The following FLI1 variants were observed in gnomAD, a reference collection of about 807,000 sequenced individuals.
The protein encoded by FLI1 is Fli-1 proto-oncogene, ETS transcription factor.
A neutral mutation model predicts 53.1 loss-of-function variants in FLI1; 13 were observed. The observed-to-expected ratio is 0.24, with a 90% CI of 0.16 to 0.39. The LOEUF is 0.39. FLI1 is among the 10% of genes least tolerant of loss of function. The pLI, the probability that FLI1 is intolerant of heterozygous loss-of-function variation, is 1.00. For missense variants in FLI1, 424 were observed against 600.5 expected (o/e 0.71, Z 3.07); for synonymous variants, 244 against 236.7 (o/e 1.03, Z -0.28).
At chr11:128,733,733 G>C (rs1176682171) in intron 1 of FLI1, among the ~76,000 whole-genome samples, 2 of 152,228 alleles carry the variant, frequency 1.3e-5, no homozygotes, top group African/African-American at 4.8e-5. Flanking sequence ...TCCAGCAGAA[G>C]TTTTCTCTGT....
At chr11:128,774,206 A>C (rs1267852332) in intron 4 of FLI1, among the ~76,000 whole-genome samples, 1 of 151,978 alleles carries the variant, frequency 6.6e-6, no homozygotes, top group Non-Finnish European at 1.5e-5. Context: ...AAAATCAAAA[A>C]ACTGGCTTTG....
At chr11:128,686,984 C>A (rs539816417) in intron 1 of FLI1, 1 of 159,660 alleles carries the variant, frequency 6.3e-6, no homozygotes, top group South Asian at 1.7e-4. Flanking sequence ...CAGCTCGCCG[C>A]GTCAGGTCCC....
chr11:128,780,168 G>A (rs1941863967), intron 4 of FLI1, among the ~76,000 whole-genome samples: 1 of 152,188 alleles, frequency 6.6e-6, no homozygotes, highest in Non-Finnish European at 1.5e-5. Flanking sequence ...TTATATTCAT[G>A]TGACTGTCTC....
intron 1 of FLI1, among the ~76,000 whole-genome samples, chr11:128,743,637 C>G (rs1252240711): frequency 6.6e-6 from 1 of 152,142 alleles, no homozygotes; most frequent in East Asian, 1.9e-4. Flanking sequence ...GACAGACAGG[C>G]ATGGCTCTGT....
intron 1 of FLI1, among the ~76,000 whole-genome samples, chr11:128,704,888 C>T (rs1421234435): frequency 1.3e-5 from 2 of 152,222 alleles, no homozygotes; most frequent in African/African-American, 4.8e-5. Flanking sequence ...AATAAGTTAT[C>T]TATCCAGCTC....
chr11:128,800,089 T>G (rs1012904699), intron 5 of FLI1, among the ~76,000 whole-genome samples: 52 of 152,288 alleles, frequency 3.4e-4, no homozygotes, highest in African/African-American at 1.2e-3. Flanking sequence ...GTCTCAGGTC[T>G]GCCATTGATT....
intron 1 of FLI1, among the ~76,000 whole-genome samples, chr11:128,745,506 G>T (rs1940341897): frequency 6.6e-6 from 1 of 152,148 alleles, no homozygotes; most frequent in Non-Finnish European, 1.5e-5. Context: ...GTGCTAGTTG[G>T]AAATACTGCA....
At chr11:128,748,794 A>G (rs55702674) in intron 1 of FLI1, among the ~76,000 whole-genome samples, 13,292 of 152,158 alleles carry the variant, frequency 0.087, 966 homozygotes, top group East Asian at 0.26. Context: ...ATGGAGACTC[A>G]TGAGGTGAGG....
chr11:128,765,350 T>C lies in FLI1; in HGVS notation c.231-2768T>C, dbSNP rs572856661. Among the ~76,000 whole-genome samples, 7 of 152,282 alleles carry C rather than the reference T, an allele frequency of 4.6e-5. No homozygotes were observed. The South Asian group carries it at 1.5e-3, about 32-fold the overall frequency. On this transcript the variant is annotated intron_variant, in intron 2 of 8. Coordinates refer to ENST00000527786, the MANE Select transcript of FLI1 (RefSeq NM_002017.5). ...CGTACATGGCCATAACCATAAAGGC[T>C]CACTCCATTTCAGTGAGTCCTGAGG...
chr11:128,739,289 A>G (rs1766954059), intron 1 of FLI1, among the ~76,000 whole-genome samples: 1 of 152,166 alleles, frequency 6.6e-6, no homozygotes. Flanking sequence ...TACTGAAGGT[A>G]TGGGGATGAG....
chr11:128,809,925 G>C (rs1942895005), intron 8 of FLI1, among the ~76,000 whole-genome samples: 1 of 152,170 alleles, frequency 6.6e-6, no homozygotes, highest in African/African-American at 2.4e-5. Flanking sequence ...AGAGCTGCAA[G>C]CCAAGCTCTG....
At chr11:128,705,469 C>T (rs543302895) in intron 1 of FLI1, among the ~76,000 whole-genome samples, 2 of 152,296 alleles carry the variant, frequency 1.3e-5, no homozygotes, top group South Asian at 2.1e-4. Context: ...CTTTCCTCCT[C>T]GAAATCTTGC....
intron 1 of FLI1, among the ~76,000 whole-genome samples, chr11:128,712,447 T>C (rs1014145135): frequency 3.9e-5 from 6 of 152,294 alleles, no homozygotes; most frequent in African/African-American, 1.4e-4. Context: ...GCTAGTGCTG[T>C]TCTATGGTAC....
intron 5 of FLI1, chr11:128,804,516 C>G (rs1438662696): frequency 6.6e-6 from 1 of 152,208 alleles, no homozygotes; most frequent in African/African-American, 2.4e-5. Flanking sequence ...GTTACGATCA[C>G]AAAAGTTCGA....
At chr11:128,720,822 G>T (rs1437685756) in intron 1 of FLI1, among the ~76,000 whole-genome samples, 1 of 152,192 alleles carries the variant, frequency 6.6e-6, no homozygotes, top group Non-Finnish European at 1.5e-5. Flanking sequence ...CAGCAACAGG[G>T]TCAGCCGGGC....
intron 2 of FLI1, among the ~76,000 whole-genome samples, chr11:128,766,219 T>C (rs1941333721): frequency 2.0e-5 from 3 of 152,160 alleles, no homozygotes; most frequent in Admixed American, 2.0e-4. Flanking sequence ...CTGCTTCATC[T>C]CAGGCCAGGT....
At position 128,755,926 on chromosome 11, in the gene FLI1, C is replaced by A. The variant is rs12293358; in HGVS notation, c.19-2189C>A. Among the ~76,000 whole-genome samples, 211 of 152,258 alleles carry A rather than the reference C, an allele frequency of 1.4e-3. 1 individual carries two copies. The highest frequency in any genetic ancestry group is 5.0e-3 in the African/African-American group (206 of 41,540). ...CCAGCTGAAAACAGCCATAGAAGAG[C>A]CTCCCTTTTTGAATTATGGCTGTCT... is the stretch of plus-strand genomic sequence containing the variant. On this transcript the variant is annotated intron_variant, in intron 1 of 8. Coordinates refer to ENST00000527786, the MANE Select transcript of FLI1 (RefSeq NM_002017.5).
chr11:128,782,948 G>T (rs903969644), intron 5 of FLI1, among the ~76,000 whole-genome samples: 1 of 152,186 alleles, frequency 6.6e-6, no homozygotes, highest in Non-Finnish European at 1.5e-5. Flanking sequence ...AGGAGGAAAA[G>T]ATGTGAACAA....
chr11:128,723,416 C>A (rs974770179), intron 1 of FLI1, among the ~76,000 whole-genome samples: 1 of 152,074 alleles, frequency 6.6e-6, no homozygotes, highest in Non-Finnish European at 1.5e-5. Flanking sequence ...AATGTCTTTG[C>A]AAACATCAGA....
Sources: gnomAD v4.1 joint callset for allele counts (sites outside exome capture counted in the v4.1 genomes callset) on GRCh38, gnomAD v4.1.1 for gene constraint, MANE v1.5 for transcripts, NCBI Gene and HGNC (gene_info 2026-07-23, HGNC 2026-07-21) for gene names.